The following DESI2 variants were observed in gnomAD, a reference collection of about 807,000 sequenced individuals.
DESI2 encodes the protein deubiquitinase DESI2.
In DESI2, 10 loss-of-function variants were observed where a neutral mutation model predicts 24.1. The ratio of observed to expected loss-of-function variants is 0.41; its 90% CI spans 0.26 to 0.70. The LOEUF is 0.70. DESI2 is among the 30% of genes least tolerant of loss of function. The pLI, the probability that DESI2 is intolerant of heterozygous loss-of-function variation, is 0.29. For missense variants in DESI2, 122 were observed against 234.9 expected (o/e 0.52, Z 3.14); for synonymous variants, 71 against 87.7 (o/e 0.81, Z 1.06).
intron 1 of DESI2, among the ~76,000 whole-genome samples, chr1:244,654,899 T>G (rs1675593540): frequency 6.6e-6 from 1 of 152,216 alleles, no homozygotes; most frequent in Admixed American, 6.5e-5. Context: ...TCTCCTAGAT[T>G]ATTAAACAAA....
At chr1:244,694,461 C>T (rs1420618019) in intron 4 of DESI2, 4 of 779,628 alleles carry the variant, frequency 5.1e-6, no homozygotes, top group East Asian at 5.1e-5. Context: ...AGCAGCTGCC[C>T]TCTTGGGTTT....
intron 1 of DESI2, among the ~76,000 whole-genome samples, chr1:244,683,777 G>A (rs1056840657): frequency 1.3e-5 from 2 of 151,598 alleles, no homozygotes; most frequent in Non-Finnish European, 2.9e-5. Flanking sequence ...CTGGAGTGCA[G>A]TGGTGTGATC....
intron 1 of DESI2, among the ~76,000 whole-genome samples, chr1:244,675,075 G>A (rs1676371394): frequency 6.6e-6 from 1 of 152,072 alleles, no homozygotes; most frequent in South Asian, 2.1e-4. Context: ...GATAGATAAT[G>A]GTGGTTTTAA....
In DESI2 at chr1:244,705,876, T is replaced by G; in HGVS notation, c.*87T>G. 1 of 945,770 alleles carries G rather than the reference T, an allele frequency of 1.1e-6. No homozygotes were observed. Among genetic ancestry groups the G allele is most frequent in the Non-Finnish European group, 1.6e-6 (1 of 637,918 alleles). 58.6% of individuals were successfully genotyped at this position (945,770 alleles called of 1,614,324 possible). A position where few individuals can be genotyped will look rare whatever the true frequency, so the allele number is the denominator to read the frequency against. Reference sequence around the variant, plus strand: ...AAACAGAGAAGCATCCTTTAGATATTTTGTATGCAAAGATGGCTCTCCCCC... The same window carrying G: ...AAACAGAGAAGCATCCTTTAGATATGTTGTATGCAAAGATGGCTCTCCCCC... On this transcript the variant is annotated 3_prime_UTR_variant, in exon 5 of 5. Transcript: ENST00000302550.
rs113437695 is a variant in DESI2 at position 244,663,182 on chromosome 1, GT to G, written c.42+9838del. ...CAACCAAAGCCTGGTTTAACTTGCA[GT>G]TTTTTTTTTTCCTTTTTTTTGACAT... is the stretch of plus-strand genomic sequence containing the variant. On this transcript the variant is annotated intron_variant, in intron 1 of 4. Transcript: ENST00000302550. Among the ~76,000 whole-genome samples, 635 of 147,142 alleles carry G rather than the reference GT, an allele frequency of 4.3e-3. 3 individuals carry two copies. The highest frequency in any genetic ancestry group is 0.015 in the African/African-American group (596 of 40,324).
At chr1:244,695,822 C>A (rs1003173583) in intron 4 of DESI2, among the ~76,000 whole-genome samples, 22 of 152,182 alleles carry the variant, frequency 1.4e-4, no homozygotes, top group African/African-American at 4.8e-4. Context: ...GTTGCCCCGG[C>A]TGGGGTGCAG....
intron 1 of DESI2, among the ~76,000 whole-genome samples, chr1:244,671,036 C>G (rs924013962): frequency 2.0e-5 from 3 of 152,090 alleles, no homozygotes; most frequent in African/African-American, 4.8e-5. Context: ...TTAAACTGAC[C>G]AAATGATATC....
At chr1:244,671,595 A>G (rs1676247046) in intron 1 of DESI2, among the ~76,000 whole-genome samples, 1 of 152,210 alleles carries the variant, frequency 6.6e-6, no homozygotes, top group Admixed American at 6.5e-5. Flanking sequence ...GTCGTGGATT[A>G]TCCATTTTTC....
At chr1:244,699,751 A>C (rs1553406702) in intron 4 of DESI2, among the ~76,000 whole-genome samples, 1 of 152,202 alleles carries the variant, frequency 6.6e-6, no homozygotes, top group Non-Finnish European at 1.5e-5. Flanking sequence ...AACAACAAAA[A>C]ACAAACCCTG....
chr1:244,688,265 TATA>T (rs1456294999), intron 2 of DESI2, among the ~76,000 whole-genome samples: 1 of 152,234 alleles, frequency 6.6e-6, no homozygotes, highest in Non-Finnish European at 1.5e-5. Flanking sequence ...AGAATCCAAA[TATA>T]ATCTTATCCC....
In DESI2 at chr1:244,676,714, C is replaced by A. The variant is rs989100000; in HGVS notation, c.43-9883C>A. Among the ~76,000 whole-genome samples, 13 of 149,968 alleles carry A rather than the reference C, an allele frequency of 8.7e-5. No homozygotes were observed. The East Asian group carries it at 1.4e-3, about 16-fold the overall frequency. On this transcript the variant is annotated intron_variant, in intron 1 of 4. Transcript: ENST00000302550. ...GTTTTTCATAGATGTTCTTTATCAG[C>A]TTAGGGAAATTTCCATCTATTCCTA...
chr1:244,670,536 AC>A (rs920178419), intron 1 of DESI2, among the ~76,000 whole-genome samples: 7 of 152,174 alleles, frequency 4.6e-5, no homozygotes, highest in African/African-American at 1.4e-4. Flanking sequence ...TGGGACAAGC[AC>A]TCTTCTAAGT....
At chr1:244,690,767 G>A (rs1387426340) in intron 3 of DESI2, among the ~76,000 whole-genome samples, 4 of 151,672 alleles carry the variant, frequency 2.6e-5, no homozygotes, top group Admixed American at 2.0e-4. Context: ...TTAAACTTCT[G>A]GGCCTATAAT....
intron 1 of DESI2, chr1:244,654,156 A>G (rs1415194252): frequency 2.6e-6 from 1 of 386,144 alleles, no homozygotes; most frequent in Non-Finnish European, 5.2e-6. Context: ...TTGCAGTGAA[A>G]TGCCCCCAGA....
rs1470241873 is a variant in DESI2, at chr1:244,706,646, A to G, written c.*857A>G. 6.6e-6 allele frequency: 1 copy of G among 152,646 alleles called. No individual in the cohort carries two copies. Among genetic ancestry groups the G allele is most frequent in the Non-Finnish European group, 1.5e-5 (1 of 68,048 alleles). The allele number at this position is 152,646 out of a possible 1,614,324, so 9.5% of individuals were successfully genotyped here. A position where few individuals can be genotyped will look rare whatever the true frequency, so the allele number is the denominator to read the frequency against. ...TGCACAGGATTTTGATGGTGTGGGA[A>G]TATCCTAAGTGGTAGCCTTCCAAGT... is the stretch of plus-strand genomic sequence containing the variant. On this transcript the variant is annotated 3_prime_UTR_variant, in exon 5 of 5. Coordinates refer to ENST00000302550, the MANE Select transcript of DESI2 (RefSeq NM_016076.5).
intron 1 of DESI2, among the ~76,000 whole-genome samples, chr1:244,667,965 T>C (rs1676105437): frequency 6.6e-6 from 1 of 152,250 alleles, no homozygotes; most frequent in East Asian, 1.9e-4. Flanking sequence ...GTATTTTACA[T>C]GGACTATTTC....
At chr1:244,694,550 G>A in intron 4 of DESI2, 2 of 782,740 alleles carry the variant, frequency 2.6e-6, no homozygotes, top group Admixed American at 1.7e-5. Flanking sequence ...CAGTCCCAGT[G>A]GTATTTTGTC....
At chr1:244,692,750 T>C (rs1172281064) in intron 4 of DESI2, among the ~76,000 whole-genome samples, 1 of 152,186 alleles carries the variant, frequency 6.6e-6, no homozygotes, top group Non-Finnish European at 1.5e-5. Flanking sequence ...GCTTCTACAA[T>C]ACAGCTTTCA....
At chr1:244,654,292 A>C (rs1675572691) in intron 1 of DESI2, among the ~76,000 whole-genome samples, 1 of 152,202 alleles carries the variant, frequency 6.6e-6, no homozygotes. Context: ...GCAGTGCTTA[A>C]AATTCCTTGT....
Sources: gnomAD v4.1 joint callset for allele counts (sites outside exome capture counted in the v4.1 genomes callset) on GRCh38, gnomAD v4.1.1 for gene constraint, MANE v1.5 for transcripts, NCBI Gene and HGNC (gene_info 2026-07-23, HGNC 2026-07-21) for gene names.